Variants in RIT2 observed in about 807,000 individuals in gnomAD.
The protein encoded by RIT2 is GTP-binding protein Rit2.
In RIT2, 24 loss-of-function variants were observed where a neutral mutation model predicts 23.7. The ratio of observed to expected loss-of-function variants is 1.01; its 90% CI spans 0.73 to 1.43. RIT2 has a LOEUF of 1.43. Among genes scored for constraint, RIT2 ranks in the 40% most tolerant of loss-of-function variants. The pLI is 0.00. For synonymous variants in RIT2, 107 were observed against 91.1 expected (o/e 1.17, Z -0.99); for missense variants, 236 against 266.9 (o/e 0.88, Z 0.81).
chr18:43,008,858 A>G (rs2144251530), intron 2 of RIT2, among the ~76,000 whole-genome samples: 1 of 151,830 alleles, frequency 6.6e-6, no homozygotes, highest in Non-Finnish European at 1.5e-5. Context: ...CAATAAATAC[A>G]CAAAAGATTC....
intron 3 of RIT2, among the ~76,000 whole-genome samples, chr18:42,950,972 A>C (rs1034392307): frequency 6.6e-6 from 1 of 152,088 alleles, no homozygotes; most frequent in African/African-American, 2.4e-5. Context: ...ACTGGTGGGA[A>C]AGGAAATTAG....
intron 1 of RIT2, among the ~76,000 whole-genome samples, chr18:43,114,861 A>G (rs554980578): frequency 6.4e-4 from 98 of 152,316 alleles, no homozygotes; most frequent in South Asian, 5.2e-3. Flanking sequence ...CACAATGAAT[A>G]TCATTCCATA....
rs536084205 is a variant in RIT2, at chr18:42,796,322, G to A, written c.427-52602C>T. ...TTCACTCCTGAGCCAGCGAGACCAC[G>A]AACCCACCAGAAGGAAGAAACTCTG... is the stretch of plus-strand genomic sequence containing the variant. On this transcript the variant is annotated intron_variant, in intron 4 of 4. Transcript: ENST00000326695. Among the ~76,000 whole-genome samples, 9 of 152,134 alleles carry A rather than the reference G, an allele frequency of 5.9e-5. No homozygotes were observed. In the East Asian group the frequency reaches 9.7e-4, roughly 16 times the overall value.
intron 2 of RIT2, among the ~76,000 whole-genome samples, chr18:43,032,187 G>A (rs1358259629): frequency 6.6e-6 from 1 of 152,004 alleles, no homozygotes; most frequent in Non-Finnish European, 1.5e-5. Context: ...TGAATGTCCA[G>A]GTATCTTAAT....
chr18:42,984,770 G>T (rs944012967), intron 2 of RIT2, among the ~76,000 whole-genome samples: 1 of 152,108 alleles, frequency 6.6e-6, no homozygotes, highest in Non-Finnish European at 1.5e-5. Flanking sequence ...GGCATAGAAA[G>T]CATCTTGCTT....
intron 3 of RIT2, among the ~76,000 whole-genome samples, chr18:42,967,536 A>ATTTTTTTTTTTTTTT (rs397940927): frequency 1.2e-5 from 1 of 80,756 alleles, no homozygotes; most frequent in African/African-American, 5.6e-5. Flanking sequence ...CGCCCGGCTA[A>ATTTTTTTTTTTTTTT]TTTTTTTTTT....
intron 2 of RIT2, among the ~76,000 whole-genome samples, chr18:42,988,943 G>A (rs963469272): frequency 6.6e-6 from 1 of 152,116 alleles, no homozygotes; most frequent in Non-Finnish European, 1.5e-5. Flanking sequence ...GGAGAAAAAG[G>A]TTCATTCTGA....
At chr18:42,816,064 T>A (rs1598665668) in intron 4 of RIT2, among the ~76,000 whole-genome samples, 1 of 152,118 alleles carries the variant, frequency 6.6e-6, no homozygotes, top group South Asian at 2.1e-4. Context: ...TTGAATCAGC[T>A]GATACGTCCT....
intron 4 of RIT2, among the ~76,000 whole-genome samples, chr18:42,838,890 T>C (rs1206868155): frequency 6.6e-6 from 1 of 152,192 alleles, no homozygotes; most frequent in African/African-American, 2.4e-5. Flanking sequence ...GAAACTGGCA[T>C]GCACAATTTT....
At chr18:43,051,820 T>C (rs1042795180) in intron 1 of RIT2, among the ~76,000 whole-genome samples, 1 of 152,148 alleles carries the variant, frequency 6.6e-6, no homozygotes, top group Non-Finnish European at 1.5e-5. Flanking sequence ...AACAAAATGT[T>C]TAACTTTTAA....
intron 1 of RIT2, among the ~76,000 whole-genome samples, chr18:43,041,408 T>C (rs1912125195): frequency 6.6e-6 from 1 of 152,188 alleles, no homozygotes; most frequent in Non-Finnish European, 1.5e-5. Context: ...ACCAGAGAAA[T>C]GGACATTACT....
chr18:42,990,918 T>TTG (rs1016920268), intron 2 of RIT2, among the ~76,000 whole-genome samples: 3 of 150,286 alleles, frequency 2.0e-5, no homozygotes, highest in East Asian at 3.9e-4. Flanking sequence ...TTTTGTTTTT[T>TTG]TTTTTTTTTT....
intron 3 of RIT2, among the ~76,000 whole-genome samples, chr18:42,933,245 G>A (rs1909370811): frequency 6.6e-6 from 1 of 152,018 alleles, no homozygotes. Context: ...GAATACTAAT[G>A]AGGTACATCA....
intron 3 of RIT2, among the ~76,000 whole-genome samples, chr18:42,959,060 T>C (rs894764673): frequency 1.3e-5 from 2 of 152,174 alleles, no homozygotes; most frequent in Non-Finnish European, 2.9e-5. Flanking sequence ...TGCAATTGGA[T>C]AAAATAGTTT....
intron 4 of RIT2, among the ~76,000 whole-genome samples, chr18:42,816,487 A>G (rs1386393012): frequency 3.3e-5 from 5 of 152,200 alleles, no homozygotes; most frequent in Non-Finnish European, 4.4e-5. Context: ...TTGAGTCAAG[A>G]GATGTATTAT....
intron 4 of RIT2, among the ~76,000 whole-genome samples, chr18:42,837,147 C>CTCT (rs1906628770): frequency 4.1e-5 from 2 of 48,718 alleles, no homozygotes; most frequent in African/African-American, 1.2e-4. Flanking sequence ...CTTTTTTTTT[C>CTCT]TTTTTCTTTT....
chr18:42,968,099 T>G (rs1369275702), intron 3 of RIT2, among the ~76,000 whole-genome samples: 3 of 152,160 alleles, frequency 2.0e-5, no homozygotes, highest in Non-Finnish European at 4.4e-5. Flanking sequence ...TTCTTGACAT[T>G]TGCTTGGGCT....
At chr18:42,878,955 A>C (rs956771) in intron 4 of RIT2, among the ~76,000 whole-genome samples, 1,926 of 151,956 alleles carry the variant, frequency 0.013, 33 homozygotes, top group East Asian at 0.073. Flanking sequence ...CTACTTAAAA[A>C]ATCTTCCCTA....
At chr18:43,005,214 C>T (rs993757860) in intron 2 of RIT2, among the ~76,000 whole-genome samples, 1 of 151,616 alleles carries the variant, frequency 6.6e-6, no homozygotes, top group Non-Finnish European at 1.5e-5. Flanking sequence ...GTAATCAAAG[C>T]TTGAGAATAT....
Sources: gnomAD v4.1 joint callset for allele counts (sites outside exome capture counted in the v4.1 genomes callset) on GRCh38, gnomAD v4.1.1 for gene constraint, MANE v1.5 for transcripts, NCBI Gene and HGNC (gene_info 2026-07-23, HGNC 2026-07-21) for gene names.